Variants in UBE3D observed in about 807,000 individuals in gnomAD.
The protein encoded by UBE3D is ubiquitin protein ligase E3D.
A neutral mutation model predicts 49.6 loss-of-function variants in UBE3D; 48 were observed. That is an observed-to-expected ratio of 0.97 (90% CI 0.77 to 1.23). UBE3D has a LOEUF of 1.23. UBE3D is among the 50% of genes most tolerant of loss of function. The pLI is 0.00. For missense variants in UBE3D, 452 were observed against 468.4 expected (o/e 0.96, Z 0.32); for synonymous variants, 189 against 174.2 (o/e 1.08, Z -0.67).
the UBE3D span, among the ~76,000 whole-genome samples, chr6:82,881,796 T>A: frequency 3.3e-5 from 5 of 152,216 alleles, no homozygotes; most frequent in Admixed American, 2.6e-4. Context: ...CTGTATGACC[T>A]TAGGTAAGTT....
intron 8 of UBE3D, among the ~76,000 whole-genome samples, chr6:82,998,176 G>C (rs1001138780): frequency 6.6e-6 from 1 of 152,168 alleles, no homozygotes. Flanking sequence ...ACTTAACAGT[G>C]GGAACTCCAA....
the UBE3D span, among the ~76,000 whole-genome samples, chr6:82,886,253 G>A: frequency 6.6e-6 from 1 of 152,144 alleles, no homozygotes; most frequent in African/African-American, 2.4e-5. Context: ...TTTTTCCATG[G>A]ACCTGTGGTG....
At chr6:83,048,858 C>A (rs1019747451) in intron 3 of UBE3D, among the ~76,000 whole-genome samples, 2 of 151,794 alleles carry the variant, frequency 1.3e-5, no homozygotes, top group African/African-American at 4.8e-5. Flanking sequence ...ATCTACTTCC[C>A]AAGAGAACTT....
rs563928298 is a variant in UBE3D, at chr6:82,910,747, T to C, written c.1150-17705A>G. Among the ~76,000 whole-genome samples the C allele has an allele frequency of 1.3e-5, 2 of 152,294 alleles. 1 individual carries two copies. Among genetic ancestry groups the C allele is most frequent in the Admixed American group, 1.3e-4 (2 of 15,298 alleles). On this transcript the variant is annotated intron_variant, in intron 9 of 9. Coordinates refer to ENST00000369747, the MANE Select transcript of UBE3D (RefSeq NM_198920.3). ...AAGAATTAGAATTAGGTGATACATT[T>C]TCAAGTTGAAAACATAAAAATAAAC...
rs546726596 is a variant in UBE3D at position 82,953,082 on chromosome 6, A to G, written c.1149+4230T>C. 2.0e-5 allele frequency among the ~76,000 whole-genome samples: 3 copies of G among 152,334 alleles called. No individual in the cohort carries two copies. In the East Asian group the frequency reaches 5.8e-4, roughly 29 times the overall value. On this transcript the variant is annotated intron_variant, in intron 9 of 9. Coordinates refer to ENST00000369747, the MANE Select transcript of UBE3D (RefSeq NM_198920.3). ...CTGGTTGCTGCCCAGCAAGATGGGT[A>G]TAGAAATGGCCTTGTGCCACCTAAC...
intron 9 of UBE3D, among the ~76,000 whole-genome samples, chr6:82,933,203 T>C (rs545270567): frequency 7.3e-4 from 111 of 152,298 alleles, no homozygotes; most frequent in Non-Finnish European, 8.2e-4. Context: ...AAAGACAAAG[T>C]TTAATAAACT....
intron 9 of UBE3D, among the ~76,000 whole-genome samples, chr6:82,939,855 C>A (rs1199895127): frequency 6.6e-6 from 1 of 152,162 alleles, no homozygotes; most frequent in African/African-American, 2.4e-5. Flanking sequence ...CCAAACAAAA[C>A]AAGAAACATA....
At chr6:83,006,545 C>A (rs1165883480) in intron 8 of UBE3D, among the ~76,000 whole-genome samples, 1 of 152,116 alleles carries the variant, frequency 6.6e-6, no homozygotes, top group African/African-American at 2.4e-5. Context: ...GAGAAAACAG[C>A]CATTTACAAG....
At chr6:82,910,990 TAGAG>T (rs1772461944) in intron 9 of UBE3D, among the ~76,000 whole-genome samples, 1 of 151,992 alleles carries the variant, frequency 6.6e-6, no homozygotes, top group Admixed American at 6.6e-5. Context: ...CACCTATAAT[TAGAG>T]AGTGATGATG....
intron 8 of UBE3D, among the ~76,000 whole-genome samples, chr6:82,959,442 T>A (rs1246068200): frequency 6.6e-6 from 1 of 151,522 alleles, no homozygotes; most frequent in Non-Finnish European, 1.5e-5. Flanking sequence ...AACTTCATTC[T>A]CCCCTGCTCT....
At chr6:82,991,683 A>C (rs1319554585) in intron 8 of UBE3D, among the ~76,000 whole-genome samples, 1 of 152,144 alleles carries the variant, frequency 6.6e-6, no homozygotes, top group South Asian at 2.1e-4. Context: ...TTGTTAAGAA[A>C]TTTATCATTT....
At chr6:82,948,487 T>C (rs1188854867) in intron 9 of UBE3D, among the ~76,000 whole-genome samples, 1 of 151,920 alleles carries the variant, frequency 6.6e-6, no homozygotes, top group African/African-American at 2.4e-5. Context: ...AAATAGAGAA[T>C]GGAATACCTC....
At chr6:83,023,641 C>G (rs755934873) in intron 6 of UBE3D, among the ~76,000 whole-genome samples, 5 of 152,136 alleles carry the variant, frequency 3.3e-5, no homozygotes, top group Admixed American at 1.3e-4. Flanking sequence ...GAATGGAAAA[C>G]CAAACATCGT....
rs1783710037 is a variant in UBE3D, at chr6:83,054,833, T to G, written c.275-595A>C. 3.3e-5 allele frequency among the ~76,000 whole-genome samples: 5 copies of G among 152,212 alleles called. No homozygotes were observed. In the South Asian group the frequency reaches 1.0e-3, roughly 31 times the overall value. On this transcript the variant is annotated intron_variant, in intron 2 of 9. Coordinates refer to ENST00000369747, the MANE Select transcript of UBE3D (RefSeq NM_198920.3). ...GCCTGGCTAATTTTTGTATTTTTAG[T>G]AGAGACGGGGTTTCACCATCTTGGC... is the stretch of plus-strand genomic sequence containing the variant.
intron 8 of UBE3D, among the ~76,000 whole-genome samples, chr6:83,004,589 ATTGTTTAATAATT>A (rs1370656828): frequency 5.3e-5 from 8 of 152,200 alleles, no homozygotes; most frequent in Non-Finnish European, 1.0e-4. Flanking sequence ...CTTACTTGAG[ATTGTTTAATAATT>A]TTGTTTAATA....
At chr6:82,995,824 C>T (rs577982582) in intron 8 of UBE3D, among the ~76,000 whole-genome samples, 3 of 152,106 alleles carry the variant, frequency 2.0e-5, no homozygotes, top group African/African-American at 7.2e-5. Flanking sequence ...CCCAGCACTT[C>T]GGGAGGCCAA....
chr6:82,964,505 T>C lies in UBE3D; in HGVS notation c.1011-7055A>G, dbSNP rs376028537. On this transcript the variant is annotated intron_variant, in intron 8 of 9. Coordinates refer to ENST00000369747, the MANE Select transcript of UBE3D (RefSeq NM_198920.3). ...ACCTCGTTTCTCATATTTTAGTAGA[T>C]AATTTGAACTCTTCAACCCTAGAAG... Among the ~76,000 whole-genome samples the C allele has an allele frequency of 2.6e-5, 4 of 152,176 alleles. No homozygotes were observed. The East Asian group carries it at 7.7e-4, about 29-fold the overall frequency.
chr6:83,024,876 G>A (rs113568233), intron 5 of UBE3D, among the ~76,000 whole-genome samples: 110 of 152,234 alleles, frequency 7.2e-4, no homozygotes, highest in African/African-American at 2.4e-3. Flanking sequence ...TTCGTTGAGG[G>A]CATCTGTCCT....
At chr6:82,995,438 G>A (rs1191894377) in intron 8 of UBE3D, among the ~76,000 whole-genome samples, 1 of 150,894 alleles carries the variant, frequency 6.6e-6, no homozygotes, top group Non-Finnish European at 1.5e-5. Context: ...GTAAGTTATA[G>A]GGTGAAAAAA....
Sources: gnomAD v4.1 joint callset for allele counts (sites outside exome capture counted in the v4.1 genomes callset) on GRCh38, gnomAD v4.1.1 for gene constraint, MANE v1.5 for transcripts, NCBI Gene and HGNC (gene_info 2026-07-23, HGNC 2026-07-21) for gene names.